Variants in DGKI observed in about 807,000 individuals in gnomAD.
The protein encoded by DGKI is DAG kinase iota.
Under a neutral mutation model 147.5 loss-of-function variants are expected in DGKI, and 55 were observed. The ratio of observed to expected loss-of-function variants is 0.37; its 90% CI spans 0.30 to 0.47. The LOEUF (loss-of-function observed/expected upper bound fraction) is 0.47, where lower values mean the gene tolerates loss of function less well. Among genes scored for constraint, DGKI ranks in the 20% least tolerant of loss-of-function variants. DGKI has a pLI of 1.00. For synonymous variants in DGKI, 469 were observed against 477.1 expected, an observed-to-expected ratio of 0.98 and a Z score of 0.22; for missense variants, 1,007 against 1,323.8, an observed-to-expected ratio of 0.76 and a Z score of 3.71.
rs1585068523 is a variant in DGKI, at chr7:137,391,106, G to T, written c.*114C>A. The T allele has an allele frequency of 1.1e-5, 9 of 844,200 alleles. No homozygotes were observed. In the East Asian group the frequency reaches 1.2e-4, roughly 11 times the overall value. The allele number at this position is 844,200 out of a possible 1,614,324, so 52.3% of individuals were successfully genotyped here. On this transcript the variant is annotated 3_prime_UTR_variant, in exon 33 of 33. Transcript: ENST00000614521. ...GTGGCATGGTCTCAGGTAGATTCTT[G>T]CAGGAGAGAGACAGATATATGAATT...
intron 21 of DGKI, among the ~76,000 whole-genome samples, chr7:137,494,719 T>C (rs756425558): frequency 7.2e-5 from 11 of 152,078 alleles, no homozygotes; most frequent in Non-Finnish European, 1.3e-4. Context: ...TACAAAAACA[T>C]GCCTAAATAC....
At chr7:137,706,280 A>G (rs1794020725) in intron 1 of DGKI, among the ~76,000 whole-genome samples, 1 of 151,776 alleles carries the variant, frequency 6.6e-6, no homozygotes, top group African/African-American at 2.4e-5. Context: ...CTTTTCTGTA[A>G]CTTTTGATGT....
chr7:137,531,921 C>T (rs1046526814), intron 20 of DGKI, among the ~76,000 whole-genome samples: 3 of 151,966 alleles, frequency 2.0e-5, no homozygotes, highest in African/African-American at 4.8e-5. Flanking sequence ...AGCACTTTAA[C>T]GAATTAATTA....
Position 137,776,121 on chromosome 7 carries a change from G to A in DGKI, c.401+70341C>T, listed in dbSNP as rs570476052. On this transcript the variant is annotated intron_variant, in intron 1 of 32. Transcript: ENST00000614521. ...GATCCACCTGCCTTGGCCTCCCAAA[G>A]TGCTAAGATTACAGGCGTGAGCCAC... 1.2e-4 allele frequency among the ~76,000 whole-genome samples: 18 copies of A among 152,266 alleles called. No homozygotes were observed. In the South Asian group the frequency reaches 3.7e-3, roughly 32 times the overall value.
intron 12 of DGKI, among the ~76,000 whole-genome samples, chr7:137,595,655 A>G (rs1459713967): frequency 5.3e-5 from 8 of 152,144 alleles, no homozygotes; most frequent in Non-Finnish European, 7.3e-5. Flanking sequence ...ATTGCAGAGA[A>G]TATCTCAATA....
chr7:137,393,225 A>G (rs200282449), intron 32 of DGKI, among the ~76,000 whole-genome samples: 1 of 151,200 alleles, frequency 6.6e-6, no homozygotes, highest in Admixed American at 6.6e-5. Flanking sequence ...AGCTATTTCC[A>G]TTTTTTTTTA....
At chr7:137,473,100 AT>A (rs1338850254) in intron 23 of DGKI, among the ~76,000 whole-genome samples, 1 of 152,088 alleles carries the variant, frequency 6.6e-6, no homozygotes, top group East Asian at 1.9e-4. Context: ...GGAAATATAG[AT>A]GGTATATATC....
chr7:137,546,129 G>T (rs1403563821), intron 20 of DGKI, among the ~76,000 whole-genome samples: 2 of 152,116 alleles, frequency 1.3e-5, no homozygotes, highest in Non-Finnish European at 2.9e-5. Context: ...GCCAGCCACG[G>T]AAATAATCCA....
At chr7:137,618,051 T>C (rs193057537) in intron 8 of DGKI, among the ~76,000 whole-genome samples, 28 of 142,804 alleles carry the variant, frequency 2.0e-4, no homozygotes, top group African/African-American at 7.0e-4. Flanking sequence ...TCCTAACTAG[T>C]GTGTCTGCGG....
intron 20 of DGKI, among the ~76,000 whole-genome samples, chr7:137,527,128 C>T (rs1347773455): frequency 6.6e-6 from 1 of 152,148 alleles, no homozygotes; most frequent in African/African-American, 2.4e-5. Flanking sequence ...CTTCTTTAAA[C>T]CATTTTGTGA....
In DGKI at chr7:137,395,772, G is replaced by A. The variant is rs1585073016; in HGVS notation, c.2958-75C>T. ...CAGGGAATGGGTGAGGGGAGCTGAT[G>A]TAGGGTGCTCCTCAGCCTCCTTCCC... On this transcript the variant is annotated intron_variant, in intron 31 of 32. Transcript: ENST00000614521. The A allele has an allele frequency of 3.6e-6, 5 of 1,380,358 alleles. No individual in the cohort carries two copies. In the East Asian group the frequency reaches 1.2e-4, roughly 32 times the overall value. 85.5% of individuals were successfully genotyped at this position (1,380,358 alleles called of 1,614,324 possible).
chr7:137,656,887 A>G (rs1171223208), intron 3 of DGKI, among the ~76,000 whole-genome samples: 2 of 152,262 alleles, frequency 1.3e-5, no homozygotes, highest in East Asian at 3.9e-4. Context: ...TATAGGCATT[A>G]TTCTCTTCCA....
intron 4 of DGKI, 48 bp downstream of exon 4, chr7:137,656,418 C>A: frequency 6.2e-7 from 1 of 1,601,458 alleles, no homozygotes; most frequent in Non-Finnish European, 8.5e-7. Flanking sequence ...CCTCTGAAGA[C>A]CAAATACTTG....
At chr7:137,743,156 G>T (rs1795229438) in intron 1 of DGKI, among the ~76,000 whole-genome samples, 1 of 152,176 alleles carries the variant, frequency 6.6e-6, no homozygotes. Flanking sequence ...CCTAAGAAAA[G>T]ACTTTGACAG....
intron 19 of DGKI, among the ~76,000 whole-genome samples, chr7:137,565,345 T>C (rs1000181571): frequency 1.3e-5 from 2 of 152,172 alleles, no homozygotes; most frequent in East Asian, 3.8e-4. Context: ...ATATAGTTAT[T>C]TATTTATGAG....
chr7:137,767,565 G>C (rs944736046), intron 1 of DGKI, among the ~76,000 whole-genome samples: 1 of 151,154 alleles, frequency 6.6e-6, no homozygotes, highest in Admixed American at 6.6e-5. Flanking sequence ...GAAGAGAAGA[G>C]AAGAGAAGGA....
intron 3 of DGKI, among the ~76,000 whole-genome samples, chr7:137,664,661 A>G (rs1439435539): frequency 2.6e-5 from 4 of 152,116 alleles, no homozygotes; most frequent in Admixed American, 2.0e-4. Flanking sequence ...ACCTTGGAAT[A>G]TTTATTTGGG....
intron 1 of DGKI, among the ~76,000 whole-genome samples, chr7:137,823,798 T>G (rs1797974426): frequency 6.6e-6 from 1 of 152,220 alleles, no homozygotes; most frequent in Non-Finnish European, 1.5e-5. Flanking sequence ...ACTCATTATT[T>G]GATACAATTA....
chr7:137,648,081 T>C (rs994153746), intron 5 of DGKI, among the ~76,000 whole-genome samples: 5 of 152,150 alleles, frequency 3.3e-5, no homozygotes, highest in Non-Finnish European at 7.3e-5. Flanking sequence ...CAACAAATGA[T>C]TTCAATGACA....
Sources: gnomAD v4.1 joint callset for allele counts (sites outside exome capture counted in the v4.1 genomes callset) on GRCh38, gnomAD v4.1.1 for gene constraint, MANE v1.5 for transcripts, NCBI Gene and HGNC (gene_info 2026-07-23, HGNC 2026-07-21) for gene names.